The following SYNE2 variants were observed in gnomAD, a reference collection of about 807,000 sequenced individuals.
The protein encoded by SYNE2 is nesprin-2.
In SYNE2, 431 loss-of-function variants were observed where a neutral mutation model predicts 856.3. The observed-to-expected ratio is 0.50, with a 90% CI of 0.47 to 0.55. SYNE2 has a LOEUF of 0.55. SYNE2 is among the 20% of genes least tolerant of loss of function. The pLI is 0.00. For synonymous variants in SYNE2, 2,923 were observed against 2,872.3 expected, an observed-to-expected ratio of 1.02 and a Z score of -0.56; for missense variants, 8,129 against 8,023.2, an observed-to-expected ratio of 1.01 and a Z score of -0.50.
Position 64,138,117 on chromosome 14 carries a change from C to A in SYNE2, c.14843+134C>A, listed in dbSNP as rs138714438. 6.3e-4 allele frequency: 599 copies of A among 950,522 alleles called. 3 individuals are homozygous for A. In the African/African-American group the frequency reaches 8.1e-3, roughly 13 times the overall value. The allele number at this position is 950,522 out of a possible 1,614,324, so 58.9% of individuals were successfully genotyped here. On this transcript the variant is annotated intron_variant, in intron 79 of 115. Transcript: ENST00000555002. ...CTTGGGCAGTCTAAAGCAGTTGGGT[C>A]CCTCTTCTGGGCTAAACGCGATGTA... is the stretch of plus-strand genomic sequence containing the variant.
chr14:64,195,900 C>T (rs560490188), intron 99 of SYNE2, among the ~76,000 whole-genome samples: 159 of 152,312 alleles, frequency 1.0e-3, no homozygotes, highest in African/African-American at 3.7e-3. Flanking sequence ...CTCCTCACTT[C>T]CATTTTCCTT....
intron 66 of SYNE2, among the ~76,000 whole-genome samples, chr14:64,117,315 G>A (rs1187301218): frequency 1.3e-5 from 2 of 152,074 alleles, no homozygotes; most frequent in Non-Finnish European, 2.9e-5. Context: ...ATTTATATTA[G>A]AGTTAACAGG....
intron 1 of SYNE2, among the ~76,000 whole-genome samples, chr14:63,797,355 C>T (rs1028938475): frequency 1.3e-5 from 2 of 152,006 alleles, no homozygotes; most frequent in African/African-American, 4.8e-5. Context: ...CACACCACTG[C>T]ACTCCAGCTT....
Position 64,020,061 on chromosome 14 carries a change from C to T in SYNE2, c.5119C>T (p.Leu1707Phe), listed in dbSNP as rs759939451. The T allele has an allele frequency of 6.2e-7, 1 of 1,613,826 alleles. No homozygotes were observed. Among genetic ancestry groups the T allele is most frequent in the East Asian group, 2.2e-5 (1 of 44,876 alleles). Residue 1707 changes from leucine (L) to phenylalanine (F), a missense_variant, in exon 35 of 116, where the codon CTC (leucine) becomes TTC (phenylalanine). Around this residue, in one of 3 missense-constraint regions of SYNE2, gnomAD observed 2,422 missense variants for 2,357.4 expected, o/e 1.03. Transcript: ENST00000555002. Reference sequence around the variant, plus strand: ...AAGAGTGGCTGAAATACAGTTTTTGCTCCAAAGCAGTGAAATACCTCTTGA... The same window carrying T: ...AAGAGTGGCTGAAATACAGTTTTTGTTCCAAAGCAGTGAAATACCTCTTGA... ...SRRVAEIQFLLQSSEIPLELQ... is the reference protein window; with the variant it reads ...SRRVAEIQFLFQSSEIPLELQ...
chr14:63,959,766 C>T (rs2096286534), intron 8 of SYNE2, among the ~76,000 whole-genome samples: 1 of 151,852 alleles, frequency 6.6e-6, no homozygotes, highest in Admixed American at 6.6e-5. Flanking sequence ...TTTCCTCATG[C>T]TTTTGTTCTC....
intron 65 of SYNE2, among the ~76,000 whole-genome samples, chr14:64,111,649 T>C (rs2097808544): frequency 6.6e-6 from 1 of 151,892 alleles, no homozygotes; most frequent in African/African-American, 2.4e-5. Flanking sequence ...AAATACAAAA[T>C]TAGCCAGGTA....
In SYNE2 at chr14:64,212,045, A is replaced by G. The variant is rs1445343248; in HGVS notation, c.18808A>G (p.Asn6270Asp). 1.9e-6 allele frequency: 3 copies of G among 1,614,200 alleles called. No individual in the cohort carries two copies. Among genetic ancestry groups the G allele is most frequent in the South Asian group, 2.2e-5 (2 of 91,086 alleles). Residue 6270 changes from asparagine (N) to aspartate (D), a missense_variant, in exon 104 of 116, where the codon AAC (asparagine) becomes GAC (aspartate). Around this residue, in one of 3 missense-constraint regions of SYNE2, gnomAD observed 5,410 missense variants for 5,284.8 expected, o/e 1.02. Coordinates refer to ENST00000555002, the MANE Select transcript of SYNE2 (RefSeq NM_182914.3). ...WLTEMDLQLT[N>D]VEHFSESDAD... ...CACAGAGATGGACCTGCAGCTGACCAACGTGGAGCACTTCTCAGAGAGTGA... is the reference window on the plus strand; with the variant it reads ...CACAGAGATGGACCTGCAGCTGACCGACGTGGAGCACTTCTCAGAGAGTGA...
intron 1 of SYNE2, among the ~76,000 whole-genome samples, chr14:63,841,401 G>C (rs371545360): frequency 6.6e-6 from 1 of 152,292 alleles, no homozygotes; most frequent in Non-Finnish European, 1.5e-5. Context: ...CCCTTCTTCC[G>C]CCTTCCATTC....
chr14:64,220,487 C>G lies in SYNE2; in HGVS notation c.19911C>G (p.Asn6637Lys). 1 of 1,614,196 alleles carries G rather than the reference C, an allele frequency of 6.2e-7. No homozygotes were observed. The highest frequency in any genetic ancestry group is 1.6e-4 in the Middle Eastern group (1 of 6,062). The stretch of plus-strand genomic sequence containing the variant: ...ACAAGGCATTAGTGGTCTCTGTCAA[C>G]GTGAGCAGCAAGGAATTTCTGCAAA... ...DTYKALVVSV[N>K]VSSKEFLQTE... Residue 6637 changes from asparagine (N) to lysine (K), a missense_variant, in exon 111 of 116, where the codon AAC becomes AAG. Asn to Lys is a moderately conservative substitution (Grantham distance 94). This residue lies in a region of SYNE2 where 5,410 missense variants were observed against 5,284.8 expected (regional missense o/e 1.02). Coordinates refer to ENST00000555002, the MANE Select transcript of SYNE2 (RefSeq NM_182914.3).
Position 64,101,970 on chromosome 14 carries a change from G to T in SYNE2, c.12420G>T (p.Trp4140Cys). 3 of 1,614,100 alleles carry T rather than the reference G, an allele frequency of 1.9e-6. No homozygotes were observed. The highest frequency in any genetic ancestry group is 2.5e-6 in the Non-Finnish European group (3 of 1,179,974). ...DEKAEPSPQSWSSLWKHDKDM... is the reference protein window; with the variant it reads ...DEKAEPSPQSCSSLWKHDKDM... ...AGGCAGAGCCATCGCCTCAGTCTTG[G>T]TCTTCACTTTGGAAGCATGACAAGG... Residue 4140 changes from tryptophan to cysteine, a missense_variant, in exon 64 of 116, where the codon TGG becomes TGT. By Grantham distance (215) the Trp-to-Cys change is radical (BLOSUM62 -2). This residue lies in a region of SYNE2 where 5,410 missense variants were observed against 5,284.8 expected (regional missense o/e 1.02). Transcript: ENST00000555002.
intron 2 of SYNE2, among the ~76,000 whole-genome samples, chr14:63,924,841 T>TTTTG (rs1299455432): frequency 1.4e-5 from 1 of 69,400 alleles, no homozygotes; most frequent in African/African-American, 4.0e-5. Flanking sequence ...GGTGTTTTTT[T>TTTTG]TTTTTTTTTT....
At chr14:63,792,737 C>T (rs1339110759) in intron 1 of SYNE2, among the ~76,000 whole-genome samples, 1 of 152,066 alleles carries the variant, frequency 6.6e-6, no homozygotes, top group African/African-American at 2.4e-5. Flanking sequence ...ACAATCAGAG[C>T]TCACTGCAGC....
At chr14:64,083,139 C>A (rs2097536440) in intron 57 of SYNE2, among the ~76,000 whole-genome samples, 1 of 152,136 alleles carries the variant, frequency 6.6e-6, no homozygotes, top group Non-Finnish European at 1.5e-5. Context: ...CCTCAGACCT[C>A]CCTGACGTTT....
Position 64,170,285 on chromosome 14 carries a change from G to C in SYNE2, c.17058G>C (p.Gln5686His), listed in dbSNP as rs758207904. 1.2e-6 allele frequency: 2 copies of C among 1,614,144 alleles called. No individual in the cohort carries two copies. The highest frequency in any genetic ancestry group is 8.5e-7 in the Non-Finnish European group (1 of 1,180,036). ...CGGATCGGTGGCAGAATGCTGTCCA[G>C]GGTGTTCGGCAGAGGAAGGGTGACG... ...KLTDRWQNAV[Q>H]GVRQRKGDVD... The change falls in exon 94 of 116, where the codon CAG becomes CAC. Residue 5686 changes from glutamine to histidine, a missense_variant. Around this residue, in one of 3 missense-constraint regions of SYNE2, gnomAD observed 5,410 missense variants for 5,284.8 expected, o/e 1.02. Coordinates refer to ENST00000555002, the MANE Select transcript of SYNE2 (RefSeq NM_182914.3).
chr14:63,964,435 G>A (rs2096363393), intron 10 of SYNE2, among the ~76,000 whole-genome samples: 1 of 152,214 alleles, frequency 6.6e-6, no homozygotes, highest in African/African-American at 2.4e-5. Context: ...CATATGGCCT[G>A]AGATATTTAC....
chr14:63,973,905 G>C (rs1346850741), intron 11 of SYNE2, among the ~76,000 whole-genome samples: 3 of 152,112 alleles, frequency 2.0e-5, no homozygotes, highest in African/African-American at 7.2e-5. Context: ...TAATGTTGAA[G>C]TAATCTCTCT....
intron 1 of SYNE2, among the ~76,000 whole-genome samples, chr14:63,799,831 A>C (rs1312340619): frequency 2.0e-5 from 3 of 152,202 alleles, no homozygotes; most frequent in African/African-American, 7.2e-5. Context: ...TCACTTTTAT[A>C]ATATGAAAGT....
At chr14:63,927,003 A>C (rs1279695990) in intron 2 of SYNE2, among the ~76,000 whole-genome samples, 2 of 152,322 alleles carry the variant, frequency 1.3e-5, no homozygotes, top group South Asian at 2.1e-4. Flanking sequence ...CATAGCTTGT[A>C]AAGGTCCTGA....
intron 52 of SYNE2, among the ~76,000 whole-genome samples, 160 bp from the exon 53 acceptor site, chr14:64,073,808 G>A (rs1035963059): frequency 6.6e-6 from 1 of 152,148 alleles, no homozygotes; most frequent in African/African-American, 2.4e-5. Context: ...TTTATATGTG[G>A]TACATCCATT....
Sources: allele counts gnomAD v4.1 joint callset (sites outside exome capture counted in the v4.1 genomes callset), GRCh38; gene constraint gnomAD v4.1.1; regional missense constraint gnomAD v4.1.1; transcripts MANE v1.5; gene names NCBI Gene and HGNC (gene_info 2026-07-23, HGNC 2026-07-21).